Variants in XRRA1 observed in about 807,000 individuals in gnomAD.
XRRA1 encodes the protein X-ray radiation resistance-associated protein 1.
In XRRA1, 69 loss-of-function variants were observed where a neutral mutation model predicts 80.2. The ratio of observed to expected loss-of-function variants is 0.86; its 90% CI spans 0.71 to 1.05. The LOEUF is 1.05. XRRA1 is among the 50% of genes least tolerant of loss of function. The pLI is 0.00. For missense variants in XRRA1, 967 were observed against 976.4 expected, an observed-to-expected ratio of 0.99 and a Z score of 0.13; for synonymous variants, 348 against 389.9, an observed-to-expected ratio of 0.89 and a Z score of 1.27.
intron 10 of XRRA1, among the ~76,000 whole-genome samples, chr11:74,902,538 G>A (rs1591251624): frequency 6.6e-6 from 1 of 152,148 alleles, no homozygotes; most frequent in African/African-American, 2.4e-5. Context: ...ACAGATGAAT[G>A]GATAAAGAAA....
At chr11:74,873,516 G>T (rs1434474774) in intron 10 of XRRA1, among the ~76,000 whole-genome samples, 1 of 152,192 alleles carries the variant, frequency 6.6e-6, no homozygotes, top group Non-Finnish European at 1.5e-5. Flanking sequence ...CAGATGCCCA[G>T]TTAACATGGA....
chr11:74,866,180 T>A lies in XRRA1; in HGVS notation c.1004-3159A>T, dbSNP rs535874614. Among the ~76,000 whole-genome samples, 8 of 152,290 alleles carry A rather than the reference T, an allele frequency of 5.3e-5. No individual in the cohort carries two copies. In the South Asian group the frequency reaches 1.7e-3, roughly 32 times the overall value. ...AAGATGCCAGAGATCAAACATAAAGTAATAGAGATGTGTGATCTCTCAGAC... is the reference window on the plus strand; with the variant it reads ...AAGATGCCAGAGATCAAACATAAAGAAATAGAGATGTGTGATCTCTCAGAC... On this transcript the variant is annotated intron_variant, in intron 10 of 18. Transcript: ENST00000684022.
At chr11:74,876,716 C>A (rs2046124351) in intron 10 of XRRA1, 1 of 152,102 alleles carries the variant, frequency 6.6e-6, no homozygotes, top group African/African-American at 2.4e-5. Flanking sequence ...CCCAGACAGC[C>A]CAGAGGAATG....
At chr11:74,932,552 T>C (rs529579970) in intron 5 of XRRA1, among the ~76,000 whole-genome samples, 9 of 152,316 alleles carry the variant, frequency 5.9e-5, no homozygotes, top group African/African-American at 1.9e-4. Context: ...TCGGTAATGT[T>C]TGGTGAGCAC....
chr11:74,853,113 C>T (rs572913934), intron 12 of XRRA1, among the ~76,000 whole-genome samples: 1 of 152,332 alleles, frequency 6.6e-6, no homozygotes, highest in Non-Finnish European at 1.5e-5. Flanking sequence ...CCTCAGAGAG[C>T]ACTGTCTAGT....
At chr11:74,881,275 G>A (rs1364288391) in intron 10 of XRRA1, among the ~76,000 whole-genome samples, 1 of 151,390 alleles carries the variant, frequency 6.6e-6, no homozygotes, top group Middle Eastern at 3.2e-3. Context: ...TCCGAGACTA[G>A]GATTGCAACC....
rs2036552503 is a variant in XRRA1 at position 74,841,556 on chromosome 11, T to G, written c.*1644A>C. On this transcript the variant is annotated 3_prime_UTR_variant, in exon 19 of 19. Coordinates refer to ENST00000684022, the MANE Select transcript of XRRA1 (RefSeq NM_001378157.1). The stretch of plus-strand genomic sequence containing the variant: ...TCTTAAGAAAAAAATTTACTCTCTC[T>G]CCTTTGTGAGTAAATGCCTCCTTAA... 1 of 152,208 alleles carries G rather than the reference T, an allele frequency of 6.6e-6. No homozygotes were observed. The highest frequency in any genetic ancestry group is 1.5e-5 in the Non-Finnish European group (1 of 68,044). 9.4% of individuals were successfully genotyped at this position (152,208 alleles called of 1,614,324 possible).
At chr11:74,941,226 C>T (rs1946277603) in intron 2 of XRRA1, among the ~76,000 whole-genome samples, 1 of 152,108 alleles carries the variant, frequency 6.6e-6, no homozygotes, top group African/African-American at 2.4e-5. Flanking sequence ...AGTTTCCTCA[C>T]CTGCAAAATG....
chr11:74,897,182 TTAAA>T (rs992936373), intron 10 of XRRA1, among the ~76,000 whole-genome samples: 3 of 151,806 alleles, frequency 2.0e-5, no homozygotes, highest in African/African-American at 7.3e-5. Flanking sequence ...ATCGAAATAA[TTAAA>T]AAGAATCAAG....
At chr11:74,892,647 A>G (rs1259743639) in intron 10 of XRRA1, among the ~76,000 whole-genome samples, 1 of 152,212 alleles carries the variant, frequency 6.6e-6, no homozygotes, top group Non-Finnish European at 1.5e-5. Context: ...CATTTTTGCA[A>G]TCTACTCATC....
At chr11:74,890,546 AAGATC>A (rs2050373345) in intron 10 of XRRA1, among the ~76,000 whole-genome samples, 1 of 152,240 alleles carries the variant, frequency 6.6e-6, no homozygotes, top group Non-Finnish European at 1.5e-5. Context: ...AGAAATAACT[AAGATC>A]AGAGCAGAAC....
intron 12 of XRRA1, among the ~76,000 whole-genome samples, chr11:74,855,142 A>T (rs1347619203): frequency 6.6e-6 from 1 of 152,256 alleles, no homozygotes; most frequent in African/African-American, 2.4e-5. Flanking sequence ...TAGTTGCAAC[A>T]GAGTAAAATA....
chr11:74,940,906 AG>A (rs762521768), intron 2 of XRRA1, 24 bp from the exon 3 acceptor site: 1 of 1,569,670 alleles, frequency 6.4e-7, no homozygotes, highest in Non-Finnish European at 8.7e-7. Flanking sequence ...AAGGAAAGCA[AG>A]GAAGCAGAAG....
At chr11:74,920,023 A>T in intron 8 of XRRA1, 1 of 189,222 alleles carries the variant, frequency 5.3e-6, no homozygotes, top group South Asian at 8.7e-5. Context: ...AAAAAAAAAA[A>T]TGAAGCCAAC....
At chr11:74,908,779 G>C (rs143922041) in intron 8 of XRRA1, among the ~76,000 whole-genome samples, 32 of 152,268 alleles carry the variant, frequency 2.1e-4, no homozygotes, top group Non-Finnish European at 4.0e-4. Flanking sequence ...GAGGAATGGA[G>C]AGGGAATTGT....
intron 10 of XRRA1, among the ~76,000 whole-genome samples, chr11:74,874,070 T>C (rs539864445): frequency 1.3e-5 from 2 of 151,470 alleles, no homozygotes; most frequent in African/African-American, 4.8e-5. Context: ...ACCCCGTCTC[T>C]ACTAAAAATA....
intron 10 of XRRA1, among the ~76,000 whole-genome samples, chr11:74,904,090 G>A (rs1281758196): frequency 6.6e-6 from 1 of 152,072 alleles, no homozygotes; most frequent in Non-Finnish European, 1.5e-5. Flanking sequence ...AAGAACCTAA[G>A]AATGAGGTTC....
At chr11:74,901,218 C>T (rs970897162) in intron 10 of XRRA1, among the ~76,000 whole-genome samples, 8 of 151,806 alleles carry the variant, frequency 5.3e-5, no homozygotes, top group African/African-American at 1.5e-4. Flanking sequence ...CAATAAAATA[C>T]CTAGGAATTA....
rs375035009 is a variant in XRRA1 at position 74,919,487 on chromosome 11, C to G, written c.656+1727G>C. ...AACCAATCAGTAAACCAATTAATACCATCTATTTGTAATACCTTGAGTGGG... is the reference window on the plus strand; with the variant it reads ...AACCAATCAGTAAACCAATTAATACGATCTATTTGTAATACCTTGAGTGGG... On this transcript the variant is annotated intron_variant, in intron 8 of 18. Transcript: ENST00000684022. 1.2e-4 allele frequency: 28 copies of G among 238,724 alleles called. No individual in the cohort carries two copies. In the East Asian group the frequency reaches 1.7e-3, roughly 15 times the overall value. The allele number at this position is 238,724 out of a possible 1,614,324, so 14.8% of individuals were successfully genotyped here.
Sources: allele counts gnomAD v4.1 joint callset (sites outside exome capture counted in the v4.1 genomes callset), GRCh38; gene constraint gnomAD v4.1.1; transcripts MANE v1.5; gene names NCBI Gene and HGNC (gene_info 2026-07-23, HGNC 2026-07-21).